MACROD2: variants seen among roughly 807,000 people sequenced by gnomAD.
MACROD2 encodes ADP-ribose glycohydrolase MACROD2.
A neutral mutation model predicts 70.4 loss-of-function variants in MACROD2; 36 were observed. The ratio of observed to expected loss-of-function variants is 0.51; its 90% CI spans 0.39 to 0.68. MACROD2 has a LOEUF of 0.68. Among genes scored for constraint, MACROD2 ranks in the 30% least tolerant of loss-of-function variants. The pLI, the probability that MACROD2 is intolerant of heterozygous loss-of-function variation, is 0.00. For missense variants in MACROD2, 496 were observed against 538.4 expected, an observed-to-expected ratio of 0.92 and a Z score of 0.78; for synonymous variants, 172 against 178.8, an observed-to-expected ratio of 0.96 and a Z score of 0.30.
chr20:14,695,520 T>C (rs1351608364), intron 5 of MACROD2, among the ~76,000 whole-genome samples: 1 of 152,188 alleles, frequency 6.6e-6, no homozygotes, highest in East Asian at 1.9e-4. Context: ...AGTCACCATT[T>C]AATTCACTAC....
intron 3 of MACROD2, among the ~76,000 whole-genome samples, chr20:14,242,534 T>C (rs1421164099): frequency 1.3e-5 from 2 of 152,174 alleles, no homozygotes; most frequent in Non-Finnish European, 2.9e-5. Flanking sequence ...ATAAAGAAAT[T>C]CTCACATTGA....
chr20:14,352,495 G>A (rs2083132891), intron 3 of MACROD2: 1 of 152,038 alleles, frequency 6.6e-6, no homozygotes, highest in Admixed American at 6.6e-5. Context: ...ACTTCTTTGA[G>A]GTAAAACTGA....
intron 9 of MACROD2, among the ~76,000 whole-genome samples, chr20:15,875,130 C>T (rs2064649689): frequency 6.6e-6 from 1 of 152,102 alleles, no homozygotes; most frequent in Non-Finnish European, 1.5e-5. Context: ...AGCAGCCTAG[C>T]TGATATGTTG....
intron 5 of MACROD2, among the ~76,000 whole-genome samples, chr20:14,877,354 G>A (rs6135289): frequency 1.3e-5 from 2 of 152,176 alleles, no homozygotes; most frequent in East Asian, 3.9e-4. Context: ...GAGACTTTTG[G>A]TGGTGTTTTT....
At chr20:14,897,604 C>T (rs1471091964) in intron 5 of MACROD2, among the ~76,000 whole-genome samples, 1 of 151,802 alleles carries the variant, frequency 6.6e-6, no homozygotes, top group Non-Finnish European at 1.5e-5. Context: ...TTTCAAACAA[C>T]AGAAATTGAC....
At chr20:16,043,801 G>A (rs2067339742) in intron 16 of MACROD2, among the ~76,000 whole-genome samples, 1 of 152,074 alleles carries the variant, frequency 6.6e-6, no homozygotes, top group Non-Finnish European at 1.5e-5. Flanking sequence ...ACATTTTGGA[G>A]CAAGCTGCTT....
At chr20:15,899,275 C>A (rs1478662206) in intron 10 of MACROD2, among the ~76,000 whole-genome samples, 1 of 151,752 alleles carries the variant, frequency 6.6e-6, no homozygotes, top group African/African-American at 2.4e-5. Context: ...TGTATCTTTA[C>A]ATACATACAG....
At chr20:14,366,123 A>G (rs1271839252) in intron 3 of MACROD2, among the ~76,000 whole-genome samples, 4 of 152,094 alleles carry the variant, frequency 2.6e-5, no homozygotes, top group Admixed American at 6.5e-5. Flanking sequence ...TAGTCTGTTT[A>G]TAGTGTTGTC....
At chr20:14,665,137 A>T (rs1250512279) in intron 4 of MACROD2, among the ~76,000 whole-genome samples, 4 of 152,136 alleles carry the variant, frequency 2.6e-5, no homozygotes, top group African/African-American at 9.7e-5. Flanking sequence ...TAAAGGCTGT[A>T]TCTTCTTTCT....
chr20:15,277,185 C>T (rs1315653635), intron 6 of MACROD2, among the ~76,000 whole-genome samples: 1 of 152,184 alleles, frequency 6.6e-6, no homozygotes, highest in Non-Finnish European at 1.5e-5. Context: ...TTCCTATCAT[C>T]TTAAGACACT....
At chr20:14,535,289 A>G (rs945897503) in intron 4 of MACROD2, among the ~76,000 whole-genome samples, 2 of 152,028 alleles carry the variant, frequency 1.3e-5, no homozygotes, top group Non-Finnish European at 2.9e-5. Context: ...GGATCACCTG[A>G]GATCAGGAGT....
chr20:14,252,019 T>G (rs1391603243), intron 3 of MACROD2, among the ~76,000 whole-genome samples: 2 of 152,098 alleles, frequency 1.3e-5, no homozygotes, highest in African/African-American at 4.8e-5. Context: ...AATAAAAGTG[T>G]AAAATTTTAG....
In MACROD2 at chr20:14,930,086, C is replaced by T. The variant is rs530730354; in HGVS notation, c.418+245127C>T. On this transcript the variant is annotated intron_variant, in intron 5 of 17. Coordinates refer to ENST00000684519, the MANE Select transcript of MACROD2 (RefSeq NM_001351661.2). ...CTGAGGCAGGAGAATGGTGTGAACC[C>T]GGGAGGCGGAGCTTGCAGTGAGCCG... Among the ~76,000 whole-genome samples, 383 of 147,258 alleles carry T rather than the reference C, an allele frequency of 2.6e-3. 2 individuals carry two copies. Among genetic ancestry groups the T allele is most frequent in the Non-Finnish European group, 3.4e-3 (230 of 67,154 alleles).
At position 14,129,734 on chromosome 20, in the gene MACROD2, C is replaced by T. The variant is rs1601256253; in HGVS notation, c.271+44006C>T. 2.6e-5 allele frequency among the ~76,000 whole-genome samples: 4 copies of T among 152,288 alleles called. No homozygotes were observed. The East Asian group carries it at 5.8e-4, about 22-fold the overall frequency. ...AATCTTTAGCAACCACTACCTTGATCGGTCAGTAGCCATCAACATCAAGCC... is the reference window on the plus strand; with the variant it reads ...AATCTTTAGCAACCACTACCTTGATTGGTCAGTAGCCATCAACATCAAGCC... On this transcript the variant is annotated intron_variant, in intron 3 of 17. Transcript: ENST00000684519.
intron 8 of MACROD2, among the ~76,000 whole-genome samples, chr20:15,725,526 A>AT (rs11482039): frequency 0.86 from 131,428 of 152,076 alleles, 57,115 homozygotes; most frequent in Middle Eastern, 0.89. Context: ...TCATCTGCAA[A>AT]AAAGATATTC....
At chr20:15,286,081 A>G (rs1434444429) in intron 6 of MACROD2, among the ~76,000 whole-genome samples, 1 of 152,136 alleles carries the variant, frequency 6.6e-6, no homozygotes, top group African/African-American at 2.4e-5. Context: ...ATTCAACTAT[A>G]TTTTAAAATG....
chr20:15,986,827 T>C, intron 14 of MACROD2, 26 bp downstream of exon 14: 1 of 1,544,466 alleles, frequency 6.5e-7, no homozygotes, highest in South Asian at 1.1e-5. Flanking sequence ...TATATTGTTA[T>C]CAGAGAATGA....
intron 10 of MACROD2, among the ~76,000 whole-genome samples, chr20:15,888,205 T>C (rs1165635904): frequency 1.3e-5 from 2 of 152,170 alleles, no homozygotes; most frequent in African/African-American, 4.8e-5. Flanking sequence ...TTATAAAACA[T>C]AGAGCTCAAG....
intron 6 of MACROD2, 85 bp from the exon 7 acceptor site, chr20:15,431,320 T>G (rs1600401891): frequency 7.8e-7 from 1 of 1,278,432 alleles, no homozygotes; most frequent in East Asian, 2.3e-5. Flanking sequence ...CATCCCATTA[T>G]CAAACAAAAT....
Sources: gnomAD v4.1 joint callset for allele counts (sites outside exome capture counted in the v4.1 genomes callset) on GRCh38, gnomAD v4.1.1 for gene constraint, MANE v1.5 for transcripts, NCBI Gene and HGNC (gene_info 2026-07-23, HGNC 2026-07-21) for gene names.